Variants in GALNT17 observed in about 807,000 individuals in gnomAD.
The protein encoded by GALNT17 is UDP-GalNAc:polypeptide N-acetylgalactosaminyltransferase-like 3.
GALNT17 carries 29 observed loss-of-function variants against 63.7 expected under a neutral mutation model. That is an observed-to-expected ratio of 0.46 (90% confidence interval 0.34 to 0.62). The LOEUF is 0.62. Ranked by LOEUF, GALNT17 falls within the 20% of genes least tolerant of loss-of-function variation. GALNT17 has a pLI of 0.01. For missense variants in GALNT17, 603 were observed against 799.6 expected (o/e 0.75, Z 2.97); for synonymous variants, 305 against 318.3 (o/e 0.96, Z 0.45).
intron 6 of GALNT17, among the ~76,000 whole-genome samples, chr7:71,631,984 G>A (rs1790458623): frequency 6.6e-6 from 1 of 151,924 alleles, no homozygotes; most frequent in African/African-American, 2.4e-5. Context: ...CTGGCCTCAA[G>A]CAATTCTCTG....
intron 1 of GALNT17, among the ~76,000 whole-genome samples, chr7:71,294,608 T>A (rs1314286961): frequency 1.3e-5 from 2 of 151,736 alleles, no homozygotes; most frequent in Non-Finnish European, 2.9e-5. Flanking sequence ...GGAAATGGAG[T>A]TTCACCATAT....
intron 1 of GALNT17, among the ~76,000 whole-genome samples, chr7:71,323,443 A>G (rs1366427008): frequency 6.6e-6 from 1 of 152,110 alleles, no homozygotes. Flanking sequence ...CTTAGGGAAC[A>G]TTTTACTCCA....
At chr7:71,258,186 A>G (rs1489684510) in intron 1 of GALNT17, among the ~76,000 whole-genome samples, 2 of 152,202 alleles carry the variant, frequency 1.3e-5, no homozygotes, top group Non-Finnish European at 2.9e-5. Flanking sequence ...GGTATAGAAC[A>G]TAGGGCCAGG....
intron 1 of GALNT17, among the ~76,000 whole-genome samples, chr7:71,328,459 C>T (rs980756394): frequency 1.3e-5 from 2 of 152,058 alleles, no homozygotes; most frequent in African/African-American, 2.4e-5. Flanking sequence ...CTGCCTCTGA[C>T]GACTGAGCAA....
At chr7:71,530,436 C>G (rs937865920) in intron 5 of GALNT17, among the ~76,000 whole-genome samples, 10 of 152,156 alleles carry the variant, frequency 6.6e-5, no homozygotes, top group African/African-American at 2.4e-4. Flanking sequence ...TTATTCTTAA[C>G]GTGTAGTCTA....
intron 9 of GALNT17, among the ~76,000 whole-genome samples, chr7:71,679,815 G>T (rs974503731): frequency 2.0e-4 from 30 of 151,934 alleles, no homozygotes; most frequent in African/African-American, 7.0e-4. Flanking sequence ...CATCCCCAGA[G>T]TTTTTGGGTC....
At chr7:71,620,423 G>A (rs1221618751) in intron 6 of GALNT17, among the ~76,000 whole-genome samples, 2 of 152,096 alleles carry the variant, frequency 1.3e-5, no homozygotes, top group Non-Finnish European at 2.9e-5. Context: ...GTTACCATGA[G>A]CTATGATCAT....
intron 5 of GALNT17, among the ~76,000 whole-genome samples, chr7:71,519,032 C>T (rs1278511812): frequency 6.6e-6 from 1 of 152,164 alleles, no homozygotes; most frequent in African/African-American, 2.4e-5. Flanking sequence ...GGCATATTTC[C>T]ATTTTCCAAG....
Position 71,368,257 on chromosome 7 carries a change from A to C in GALNT17, c.423-19978A>C, listed in dbSNP as rs959496399. Among the ~76,000 whole-genome samples the C allele has an allele frequency of 4.6e-5, 7 of 152,322 alleles. No homozygotes were observed. The South Asian group carries it at 1.5e-3, about 32-fold the overall frequency. Reference sequence around the variant, plus strand: ...TGGGACTTCCCATGACTGGAGGATCAAGTCTGAATTTTATAAGGTGGCTTC... The same window carrying C: ...TGGGACTTCCCATGACTGGAGGATCCAGTCTGAATTTTATAAGGTGGCTTC... On this transcript the variant is annotated intron_variant, in intron 2 of 10. Coordinates refer to ENST00000333538, the MANE Select transcript of GALNT17 (RefSeq NM_022479.3).
At chr7:71,362,936 C>G (rs1451457241) in intron 2 of GALNT17, among the ~76,000 whole-genome samples, 1 of 151,994 alleles carries the variant, frequency 6.6e-6, no homozygotes, top group Non-Finnish European at 1.5e-5. Context: ...AACATGTTGC[C>G]CTCCACACCT....
chr7:71,630,203 A>C (rs1248894332), intron 6 of GALNT17, among the ~76,000 whole-genome samples: 1 of 152,158 alleles, frequency 6.6e-6, no homozygotes, highest in Non-Finnish European at 1.5e-5. Flanking sequence ...CCACTACACC[A>C]GGCCAAAGTC....
At chr7:71,266,509 C>T (rs1300784595) in intron 1 of GALNT17, among the ~76,000 whole-genome samples, 1 of 152,164 alleles carries the variant, frequency 6.6e-6, no homozygotes, top group Non-Finnish European at 1.5e-5. Context: ...TCCTGAGCTT[C>T]TGCAGTCATG....
chr7:71,503,911 C>G (rs1788222527), intron 5 of GALNT17, among the ~76,000 whole-genome samples: 1 of 151,894 alleles, frequency 6.6e-6, no homozygotes, highest in African/African-American at 2.4e-5. Context: ...CTGGCCAATA[C>G]AGTGAAACCC....
At chr7:71,396,391 A>G (rs981712517) in intron 3 of GALNT17, among the ~76,000 whole-genome samples, 2 of 152,126 alleles carry the variant, frequency 1.3e-5, no homozygotes, top group Non-Finnish European at 2.9e-5. Flanking sequence ...TCCTCATTGA[A>G]TGGTTATGTC....
intron 1 of GALNT17, among the ~76,000 whole-genome samples, chr7:71,141,840 CTGTGTGTGTGTGTGTGTGTGTGTG>C (rs34121771): frequency 8.0e-6 from 1 of 125,118 alleles, no homozygotes; most frequent in Non-Finnish European, 1.6e-5. Context: ...CCACGTCTGG[CTGTGTGTGTGTGTGTGTGTGTGTG>C]TGTGTGTGTG....
chr7:71,687,043 C>T (rs967459922), intron 9 of GALNT17, among the ~76,000 whole-genome samples: 1 of 152,248 alleles, frequency 6.6e-6, no homozygotes, highest in South Asian at 2.1e-4. Flanking sequence ...CTTTCTGATT[C>T]AGTAGGCTCA....
At chr7:71,564,278 C>CTTTTTTT (rs10539122) in intron 5 of GALNT17, among the ~76,000 whole-genome samples, 292 of 97,980 alleles carry the variant, frequency 3.0e-3, no homozygotes, top group Non-Finnish European at 3.8e-3. Context: ...CTTTTCTTTT[C>CTTTTTTT]TTTTTTTTTT....
chr7:71,471,420 A>C (rs1787630316), intron 5 of GALNT17, among the ~76,000 whole-genome samples: 3 of 120,718 alleles, frequency 2.5e-5, no homozygotes, highest in African/African-American at 8.7e-5. Flanking sequence ...AAAAACAAAA[A>C]AAACCAAAAA....
At chr7:71,289,169 G>T in intron 1 of GALNT17, among the ~76,000 whole-genome samples, 1 of 146,400 alleles carries the variant, frequency 6.8e-6, no homozygotes, top group African/African-American at 2.5e-5. Flanking sequence ...TGTGTTTAAG[G>T]TTATTCCTCT....
Sources: gnomAD v4.1 joint callset for allele counts (sites outside exome capture counted in the v4.1 genomes callset) on GRCh38, gnomAD v4.1.1 for gene constraint, MANE v1.5 for transcripts, NCBI Gene and HGNC (gene_info 2026-07-23, HGNC 2026-07-21) for gene names.